NRDC: variants seen among roughly 807,000 people sequenced by gnomAD.
The protein encoded by NRDC is nardilysin convertase, also known as nardilysin.
A neutral mutation model predicts 147.1 loss-of-function variants in NRDC; 54 were observed. The observed-to-expected ratio is 0.37, with a 90% CI of 0.29 to 0.46. NRDC has a LOEUF of 0.46. Ranked by LOEUF, NRDC falls within the 20% of genes least tolerant of loss-of-function variation. The pLI, the probability that NRDC is intolerant of heterozygous loss-of-function variation, is 1.00. For synonymous variants in NRDC, 440 were observed against 482.1 expected, an observed-to-expected ratio of 0.91 and a Z score of 1.14; for missense variants, 1,082 against 1,370.6, an observed-to-expected ratio of 0.79 and a Z score of 3.33.
At position 51,809,345 on chromosome 1, in the gene NRDC, G is replaced by A; in HGVS notation, c.1960C>T (p.Leu654Phe). 6.2e-7 allele frequency: 1 copy of A among 1,613,732 alleles called. No homozygotes were observed. Among genetic ancestry groups the A allele is most frequent in the Non-Finnish European group, 8.5e-7 (1 of 1,179,710 alleles). The change falls in exon 17 of 31, where the codon CTT becomes TTT. Residue 654 changes from leucine (L) to phenylalanine (F), a missense_variant. Physicochemically the swap from Leu to Phe is conservative, Grantham distance 22 (BLOSUM62 0). Transcript: ENST00000352171. ...WNSNFELNPD[L>F]HLPAENKYIA... The stretch of plus-strand genomic sequence containing the variant: ...TACTTGTTTTCAGCTGGAAGATGAA[G>A]ATCTGGATTTAATTCGAAATTACTA...
At chr1:51,804,016 G>A in intron 19 of NRDC, 52 bp from the exon 20 acceptor site, 2 of 1,474,370 alleles carry the variant, frequency 1.4e-6, no homozygotes, top group Non-Finnish European at 1.8e-6. Context: ...AAAGACACAT[G>A]AAATAGATTT....
chr1:51,815,114 C>T lies in NRDC; in HGVS notation c.1440-301G>A, dbSNP rs1211992030. ...CAGTTTTATTAAGCCAAAACCATTC[C>T]TTTTGAAGAGAACAGCACAAAATAT... is the stretch of plus-strand genomic sequence containing the variant. On this transcript the variant is annotated intron_variant, in intron 11 of 30. Transcript: ENST00000352171. Among the ~76,000 whole-genome samples the T allele has an allele frequency of 5.3e-5, 8 of 151,078 alleles. 1 individual carries two copies. In the East Asian group the frequency reaches 1.5e-3, roughly 29 times the overall value.
intron 15 of NRDC, 137 bp from the exon 16 acceptor site, chr1:51,810,541 A>G (rs935773271): frequency 1.5e-6 from 1 of 688,168 alleles, no homozygotes; most frequent in Admixed American, 3.5e-5. Flanking sequence ...TGAACACCCT[A>G]ATTTACAAAG....
intron 28 of NRDC, 89 bp from the exon 29 acceptor site, chr1:51,790,738 T>G: frequency 9.7e-7 from 1 of 1,036,248 alleles, no homozygotes; most frequent in Non-Finnish European, 1.5e-6. Context: ...CGGCTTGTGA[T>G]GGACATGCCA....
In NRDC at chr1:51,863,306, G is replaced by T. The variant is rs149706978; in HGVS notation, c.341+14969C>A. Among the ~76,000 whole-genome samples the T allele has an allele frequency of 4.3e-3, 650 of 152,148 alleles. 2 individuals are homozygous for T. Among genetic ancestry groups the T allele is most frequent in the Non-Finnish European group, 5.7e-3 (388 of 67,984 alleles). ...AGTCCCAACTACTTGGGAGACTGAA[G>T]CAGAAGGATCACTTGAACCCGGGAG... On this transcript the variant is annotated intron_variant, in intron 1 of 30. Transcript: ENST00000352171.
chr1:51,847,867 G>A (rs775578087), intron 1 of NRDC, among the ~76,000 whole-genome samples: 3 of 152,238 alleles, frequency 2.0e-5, no homozygotes, highest in Non-Finnish European at 4.4e-5. Flanking sequence ...AGTGGGCACC[G>A]AGGCCGAGGA....
At chr1:51,789,708 T>C in intron 29 of NRDC, 51 bp from the exon 30 acceptor site, 8 of 1,292,170 alleles carry the variant, frequency 6.2e-6, no homozygotes, top group Non-Finnish European at 9.0e-6. Flanking sequence ...AAGATAGCTC[T>C]TAAACCTAAC....
At chr1:51,828,879 T>C (rs1680575886) in intron 4 of NRDC, among the ~76,000 whole-genome samples, 1 of 152,114 alleles carries the variant, frequency 6.6e-6, no homozygotes, top group South Asian at 2.1e-4. Context: ...CTACCATTTT[T>C]TTTTAAATCT....
chr1:51,834,121 G>T lies in NRDC; in HGVS notation c.762C>A (p.Ala254=). ...LKYPDENGFD[A]FLKKHGGSDN... is the part of the protein sequence containing the mutation. ...CACTACCCCCATGCTTCTTCAGGAA[G>T]GCATCAAATCCATTCTCATCTGGAT... Residue 254 remains alanine, a synonymous_variant, in exon 4 of 31, where the codon GCC becomes GCA. Transcript: ENST00000352171. 6.2e-7 allele frequency: 1 copy of T among 1,613,928 alleles called. No individual in the cohort carries two copies.
intron 4 of NRDC, among the ~76,000 whole-genome samples, chr1:51,832,325 G>A (rs1680753966): frequency 6.6e-6 from 1 of 152,148 alleles, no homozygotes; most frequent in South Asian, 2.1e-4. Flanking sequence ...GGGATTACAG[G>A]TGTGAGCCAC....
intron 1 of NRDC, among the ~76,000 whole-genome samples, chr1:51,844,818 GAA>G (rs1681462986): frequency 3.3e-3 from 2 of 606 alleles, no homozygotes; most frequent in Non-Finnish European, 0.012. Context: ...AGGGAGGAAA[GAA>G]GGAAGGAAGG....
At chr1:51,844,763 G>A (rs916200402) in intron 1 of NRDC, among the ~76,000 whole-genome samples, 1 of 122,632 alleles carries the variant, frequency 8.2e-6, no homozygotes, top group African/African-American at 3.0e-5. Flanking sequence ...CCGGAAGGGA[G>A]GGACGGAGGG....
rs372871300 is a variant in NRDC, at chr1:51,811,828, A to C, written c.1779+166T>G. On this transcript the variant is annotated intron_variant, in intron 15 of 30. Coordinates refer to ENST00000352171, the MANE Select transcript of NRDC (RefSeq NM_001101662.2). ...TAAAACTTAATTATGTAAAAGAACC[A>C]TGAGAAATTATTCACAAAACTGTTG... 9.2e-5 allele frequency among the ~76,000 whole-genome samples: 14 copies of C among 152,354 alleles called. No homozygotes were observed. In the East Asian group the frequency reaches 2.7e-3, roughly 29 times the overall value.
intron 1 of NRDC, among the ~76,000 whole-genome samples, chr1:51,845,672 T>TC (rs1287923839): frequency 3.3e-5 from 5 of 152,330 alleles, no homozygotes; most frequent in Non-Finnish European, 7.3e-5. Flanking sequence ...AATAGCTCTT[T>TC]CGCCCATTTC....
At chr1:51,792,999 T>C (rs1378391796) in intron 24 of NRDC, among the ~76,000 whole-genome samples, 1 of 152,210 alleles carries the variant, frequency 6.6e-6, no homozygotes, top group African/African-American at 2.4e-5. Context: ...TGCTAGTGCC[T>C]CCCAGAGTCA....
chr1:51,837,652 T>C (rs766870566), intron 2 of NRDC: 2 of 1,465,578 alleles, frequency 1.4e-6, no homozygotes, highest in Non-Finnish European at 1.8e-6. Flanking sequence ...GAGAATTTTC[T>C]ACCTAAAAAA....
chr1:51,790,934 ATCT>A lies in NRDC; in HGVS notation c.3014_3016del (p.Lys1005del). On this transcript the variant is annotated inframe_deletion, in exon 28 of 31. Transcript: ENST00000352171. ...GAATGCCTCTTCAGTGAGGTTCTCA[ATCT>A]TCTCCTCAAAGCTAGAAAGAAACTC... 1 of 1,613,998 alleles carries A rather than the reference ATCT, an allele frequency of 6.2e-7. No individual in the cohort carries two copies.
At position 51,878,480 on chromosome 1, in the gene NRDC, G is replaced by A; in HGVS notation, c.136C>T (p.Pro46Ser). Residue 46 changes from proline (P) to serine (S), a missense_variant, in exon 1 of 31, where the codon CCT (proline) becomes TCT (serine). Pro to Ser is a moderately conservative substitution (Grantham distance 74). Around this residue, in one of 3 missense-constraint regions of NRDC, gnomAD observed 260 missense variants for 253.2 expected, o/e 1.03. Coordinates refer to ENST00000352171, the MANE Select transcript of NRDC (RefSeq NM_001101662.2). Reference protein sequence around the residue: ...CEDSAAARPFPILAMPGRNKA... With the variant: ...CEDSAAARPFSILAMPGRNKA... The stretch of plus-strand genomic sequence containing the variant: ...TTCCTTCCAGGCATGGCCAGAATAG[G>A]AAAGGGTCTGGCAGCAGCAGAGTCT... 6.2e-7 allele frequency: 1 copy of A among 1,613,938 alleles called. No individual in the cohort carries two copies. Among genetic ancestry groups the A allele is most frequent in the Non-Finnish European group, 8.5e-7 (1 of 1,180,014 alleles).
chr1:51,813,817 G>A (rs781708772), intron 14 of NRDC, among the ~76,000 whole-genome samples: 1 of 152,106 alleles, frequency 6.6e-6, no homozygotes, highest in African/African-American at 2.4e-5. Context: ...CATCATCTGT[G>A]TCATCTGCTT....
Sources: allele counts gnomAD v4.1 joint callset (sites outside exome capture counted in the v4.1 genomes callset), GRCh38; gene constraint gnomAD v4.1.1; regional missense constraint gnomAD v4.1.1; transcripts MANE v1.5; gene names NCBI Gene and HGNC (gene_info 2026-07-23, HGNC 2026-07-21).